Variants in SIAH3 observed in about 807,000 individuals in gnomAD.
SIAH3 encodes the protein siah E3 ubiquitin protein ligase family member 3.
A neutral mutation model predicts 12.6 loss-of-function variants in SIAH3; 9 were observed. The observed-to-expected ratio is 0.72, with a 90% CI of 0.43 to 1.25. SIAH3 has a LOEUF of 1.25. SIAH3 is among the 50% of genes most tolerant of loss of function. SIAH3 has a pLI of 0.00. For synonymous variants in SIAH3, 154 were observed against 151.1 expected (o/e 1.02, Z -0.14); for missense variants, 390 against 365.4 (o/e 1.07, Z -0.55).
At chr13:45,819,026 C>T (rs564788150) in intron 1 of SIAH3, among the ~76,000 whole-genome samples, 1 of 152,294 alleles carries the variant, frequency 6.6e-6, no homozygotes, top group African/African-American at 2.4e-5. Flanking sequence ...GGAAACCCAC[C>T]TTTACAGGGT....
rs1293974911 is a variant in SIAH3 at position 45,794,199 on chromosome 13, T to C, written c.136-10142A>G. ...CCTCCACCTCCTGGGTTCAAGTGAT[T>C]CTCCTGCCTCAGCCTCCTGAGTAGC... On this transcript the variant is annotated intron_variant, in intron 1 of 1. Coordinates refer to ENST00000400405, the MANE Select transcript of SIAH3 (RefSeq NM_198849.3). 6.6e-5 allele frequency among the ~76,000 whole-genome samples: 10 copies of C among 151,954 alleles called. No individual in the cohort carries two copies. In the East Asian group the frequency reaches 1.9e-3, roughly 29 times the overall value.
At chr13:45,798,343 C>T (rs192905953) in intron 1 of SIAH3, among the ~76,000 whole-genome samples, 5 of 152,186 alleles carry the variant, frequency 3.3e-5, no homozygotes, top group East Asian at 1.9e-4. Context: ...CAATCAATCA[C>T]GCAACGAATA....
intron 1 of SIAH3, among the ~76,000 whole-genome samples, chr13:45,823,029 T>C (rs1462748875): frequency 6.6e-6 from 1 of 152,168 alleles, no homozygotes; most frequent in Non-Finnish European, 1.5e-5. Flanking sequence ...TCTCCTTAGA[T>C]CTAACCCGTC....
At chr13:45,850,134 G>A (rs528338129) in intron 1 of SIAH3, among the ~76,000 whole-genome samples, 15 of 152,310 alleles carry the variant, frequency 9.8e-5, no homozygotes, top group Admixed American at 3.9e-4. Flanking sequence ...GTCACAGCTG[G>A]GATATCAGAG....
intron 1 of SIAH3, among the ~76,000 whole-genome samples, chr13:45,804,628 C>G (rs1276989857): frequency 6.6e-6 from 1 of 152,192 alleles, no homozygotes; most frequent in South Asian, 2.1e-4. Context: ...GGGGCAAAAG[C>G]TGGAAGCATT....
chr13:45,801,369 G>A (rs1289917618), intron 1 of SIAH3, among the ~76,000 whole-genome samples: 1 of 152,144 alleles, frequency 6.6e-6, no homozygotes, highest in Non-Finnish European at 1.5e-5. Flanking sequence ...ATGCAGGGAG[G>A]AGCTGTGCTT....
chr13:45,851,707 C>T lies in SIAH3; in HGVS notation c.-78G>A. The T allele has an allele frequency of 6.3e-7, 1 of 1,577,400 alleles. No individual in the cohort carries two copies. The highest frequency in any genetic ancestry group is 1.1e-5 in the South Asian group (1 of 88,750). The stretch of plus-strand genomic sequence containing the variant: ...TCCTTGGGCCCTGGAAGGAGCGCAG[C>T]CTCTGAGACACTCCGCTCCAGCCCG... On this transcript the variant is annotated 5_prime_UTR_variant, in exon 1 of 2. Coordinates refer to ENST00000400405, the MANE Select transcript of SIAH3 (RefSeq NM_198849.3).
chr13:45,796,908 G>A (rs1254926069), intron 1 of SIAH3, among the ~76,000 whole-genome samples: 1 of 152,184 alleles, frequency 6.6e-6, no homozygotes, highest in African/African-American at 2.4e-5. Context: ...CAGTAGCTGG[G>A]TACATATTTA....
chr13:45,779,667 C>T lies in SIAH3; in HGVS notation c.*3716G>A, dbSNP rs1451016061. On this transcript the variant is annotated 3_prime_UTR_variant, in exon 2 of 2. Coordinates refer to ENST00000400405, the MANE Select transcript of SIAH3 (RefSeq NM_198849.3). Reference sequence around the variant, plus strand: ...GTAACATGAATACAATAAAGAGCACCTGCTTGCTAAGGTTGTTATGGGGAT... The same window carrying T: ...GTAACATGAATACAATAAAGAGCACTTGCTTGCTAAGGTTGTTATGGGGAT... The T allele has an allele frequency of 2.0e-5, 3 of 152,132 alleles. No individual in the cohort carries two copies. The highest frequency in any genetic ancestry group is 4.4e-5 in the Non-Finnish European group (3 of 68,026). The allele number at this position is 152,132 out of a possible 1,614,324, so 9.4% of individuals were successfully genotyped here. A position where few individuals can be genotyped will look rare whatever the true frequency, so the allele number is the denominator to read the frequency against.
At chr13:45,844,560 C>T (rs940888520) in intron 1 of SIAH3, among the ~76,000 whole-genome samples, 1 of 152,190 alleles carries the variant, frequency 6.6e-6, no homozygotes, top group African/African-American at 2.4e-5. Context: ...GGGTCTCTAG[C>T]TTGCAGATGG....
chr13:45,812,023 T>A (rs1950618043), intron 1 of SIAH3, among the ~76,000 whole-genome samples: 1 of 152,212 alleles, frequency 6.6e-6, no homozygotes, highest in Admixed American at 6.5e-5. Flanking sequence ...CTCTCCCCGA[T>A]GCACAACTGT....
intron 1 of SIAH3, among the ~76,000 whole-genome samples, chr13:45,810,026 G>T (rs1358691316): frequency 6.6e-6 from 1 of 152,180 alleles, no homozygotes; most frequent in Non-Finnish European, 1.5e-5. Context: ...AGCTAGTCCT[G>T]AGTCACAGCC....
chr13:45,801,878 G>T (rs1259328679), intron 1 of SIAH3, among the ~76,000 whole-genome samples: 3 of 152,226 alleles, frequency 2.0e-5, no homozygotes, highest in Admixed American at 2.0e-4. Context: ...AGGGGCAGCA[G>T]GGCTGGGTTT....
chr13:45,841,675 T>C (rs1375150208), intron 1 of SIAH3, among the ~76,000 whole-genome samples: 2 of 152,236 alleles, frequency 1.3e-5, no homozygotes, highest in African/African-American at 4.8e-5. Context: ...TTGTGTTTGT[T>C]TCTCATCTGT....
At chr13:45,789,255 T>C (rs532181324) in intron 1 of SIAH3, among the ~76,000 whole-genome samples, 112 of 152,380 alleles carry the variant, frequency 7.4e-4, no homozygotes, top group Admixed American at 1.2e-3. Context: ...TCTTGCTACG[T>C]AGATGGATGA....
intron 1 of SIAH3, among the ~76,000 whole-genome samples, chr13:45,845,254 T>C (rs564441649): frequency 2.5e-4 from 28 of 111,428 alleles, no homozygotes; most frequent in African/African-American, 1.3e-3. Context: ...TTTGTGTGTA[T>C]GCATTGTGCG....
chr13:45,813,176 G>A (rs780276767), intron 1 of SIAH3, among the ~76,000 whole-genome samples: 6 of 152,020 alleles, frequency 3.9e-5, no homozygotes, highest in Non-Finnish European at 7.4e-5. Context: ...AGACCCGGTG[G>A]GAACATGGTG....
intron 1 of SIAH3, among the ~76,000 whole-genome samples, chr13:45,830,918 C>T (rs903939343): frequency 1.5e-4 from 23 of 152,242 alleles, no homozygotes; most frequent in African/African-American, 5.5e-4. Context: ...GTAGCTCACA[C>T]CTGTAATCCC....
At chr13:45,803,714 G>A (rs1280092862) in intron 1 of SIAH3, among the ~76,000 whole-genome samples, 2 of 152,108 alleles carry the variant, frequency 1.3e-5, no homozygotes, top group East Asian at 3.9e-4. Context: ...AAATTACACA[G>A]AAGAGGCCCC....
Sources: gnomAD v4.1 joint callset for allele counts (sites outside exome capture counted in the v4.1 genomes callset) on GRCh38, gnomAD v4.1.1 for gene constraint, MANE v1.5 for transcripts, NCBI Gene and HGNC (gene_info 2026-07-23, HGNC 2026-07-21) for gene names.